DGKB: variants seen among roughly 807,000 people sequenced by gnomAD.
The protein encoded by DGKB is 90 kDa diacylglycerol kinase.
In DGKB, 67 loss-of-function variants were observed where a neutral mutation model predicts 114.3. The observed-to-expected ratio is 0.59, with a 90% CI of 0.48 to 0.72. The LOEUF is 0.72. Ranked by LOEUF, DGKB falls within the 30% of genes least tolerant of loss-of-function variation. DGKB has a pLI of 0.00. For missense variants in DGKB, 907 were observed against 975.2 expected, an observed-to-expected ratio of 0.93 and a Z score of 0.93; for synonymous variants, 398 against 323.1, an observed-to-expected ratio of 1.23 and a Z score of -2.49.
At chr7:14,634,643 C>T (rs1394053996) in intron 13 of DGKB, among the ~76,000 whole-genome samples, 1 of 150,744 alleles carries the variant, frequency 6.6e-6, no homozygotes, top group African/African-American at 2.4e-5. Flanking sequence ...TAGTAAGAGA[C>T]AGAGAAAAAA....
intron 20 of DGKB, among the ~76,000 whole-genome samples, chr7:14,489,629 T>C (rs1007165657): frequency 1.3e-5 from 2 of 152,164 alleles, no homozygotes; most frequent in African/African-American, 2.4e-5. Context: ...ATACTTAATT[T>C]TGCAAAATAA....
At chr7:14,437,155 G>C (rs563091711) in intron 21 of DGKB, among the ~76,000 whole-genome samples, 1 of 151,850 alleles carries the variant, frequency 6.6e-6, no homozygotes, top group Non-Finnish European at 1.5e-5. Context: ...TTTATGGAGA[G>C]GTATTTTATT....
intron 20 of DGKB, among the ~76,000 whole-genome samples, chr7:14,570,224 T>G (rs1798171740): frequency 6.6e-6 from 1 of 152,054 alleles, no homozygotes; most frequent in African/African-American, 2.4e-5. Context: ...TAGGTCTGAT[T>G]AACTTTTCTC....
intron 12 of DGKB, among the ~76,000 whole-genome samples, chr7:14,676,614 G>A (rs1394896051): frequency 3.3e-5 from 5 of 152,020 alleles, no homozygotes; most frequent in Non-Finnish European, 2.9e-5. Context: ...ATCAACAATA[G>A]AAAGTTGCTT....
chr7:14,234,670 C>A (rs1792488132), intron 23 of DGKB, among the ~76,000 whole-genome samples: 1 of 152,144 alleles, frequency 6.6e-6, no homozygotes, highest in South Asian at 2.1e-4. Context: ...TTTTTACTAA[C>A]CTTTATGCCC....
At chr7:14,629,748 T>C (rs1240289513) in intron 14 of DGKB, among the ~76,000 whole-genome samples, 1 of 152,128 alleles carries the variant, frequency 6.6e-6, no homozygotes, top group African/African-American at 2.4e-5. Context: ...CTGATGTTTC[T>C]CTATACAATG....
At chr7:14,563,737 T>C (rs541172790) in intron 20 of DGKB, among the ~76,000 whole-genome samples, 3 of 152,186 alleles carry the variant, frequency 2.0e-5, no homozygotes, top group Admixed American at 6.5e-5. Context: ...TGATTCTCTA[T>C]GTTTATGTAA....
intron 21 of DGKB, among the ~76,000 whole-genome samples, chr7:14,352,723 G>A (rs1459257623): frequency 6.6e-6 from 1 of 152,134 alleles, no homozygotes; most frequent in South Asian, 2.1e-4. Context: ...AGGAGTTTGA[G>A]AGCAGCCTGA....
At chr7:14,718,312 C>A (rs1296987853) in intron 6 of DGKB, among the ~76,000 whole-genome samples, 1 of 151,968 alleles carries the variant, frequency 6.6e-6, no homozygotes, top group East Asian at 1.9e-4. Context: ...ATATGACAAA[C>A]ATAGGAAATA....
At chr7:14,301,732 T>G (rs1291191501) in intron 23 of DGKB, among the ~76,000 whole-genome samples, 4 of 152,156 alleles carry the variant, frequency 2.6e-5, no homozygotes, top group Admixed American at 2.6e-4. Flanking sequence ...CTTAGAAGAC[T>G]AATAAGAGAG....
At chr7:14,759,301 C>A (rs1835352470) in intron 2 of DGKB, among the ~76,000 whole-genome samples, 1 of 152,128 alleles carries the variant, frequency 6.6e-6, no homozygotes, top group South Asian at 2.1e-4. Flanking sequence ...GTGTACAATT[C>A]AGTAATTTTT....
chr7:14,607,208 A>G (rs916106781), intron 17 of DGKB, among the ~76,000 whole-genome samples: 1 of 151,490 alleles, frequency 6.6e-6, no homozygotes, highest in African/African-American at 2.4e-5. Flanking sequence ...TTAGTACAAT[A>G]AGGAGCATTA....
At chr7:14,871,847 T>C (rs778656991) in intron 1 of DGKB, among the ~76,000 whole-genome samples, 1 of 152,196 alleles carries the variant, frequency 6.6e-6, no homozygotes, top group African/African-American at 2.4e-5. Context: ...TAGTGGATTA[T>C]AATTAAAATG....
At chr7:14,254,766 G>A (rs1166032215) in intron 23 of DGKB, among the ~76,000 whole-genome samples, 1 of 152,150 alleles carries the variant, frequency 6.6e-6, no homozygotes, top group East Asian at 1.9e-4. Context: ...ATGCAGCAGT[G>A]TGTGATCAAG....
At chr7:14,170,522 GTCTTGAAAAA>G (rs1197945835) in intron 25 of DGKB, among the ~76,000 whole-genome samples, 1 of 152,082 alleles carries the variant, frequency 6.6e-6, no homozygotes, top group Non-Finnish European at 1.5e-5. Context: ...CTGTTCTTAT[GTCTTGAAAAA>G]TCCAGCAACC....
chr7:14,460,994 A>G (rs1478927059), intron 21 of DGKB, among the ~76,000 whole-genome samples: 1 of 151,132 alleles, frequency 6.6e-6, no homozygotes, highest in Non-Finnish European at 1.5e-5. Flanking sequence ...CAGATCCTGA[A>G]TGAGTACGGG....
chr7:14,678,035 C>T (rs1221955022), intron 12 of DGKB, among the ~76,000 whole-genome samples: 1 of 151,982 alleles, frequency 6.6e-6, no homozygotes, highest in African/African-American at 2.4e-5. Flanking sequence ...AGTTTACTTG[C>T]ATATCTGATG....
At chr7:14,372,752 T>C (rs545013110) in intron 21 of DGKB, among the ~76,000 whole-genome samples, 1 of 152,268 alleles carries the variant, frequency 6.6e-6, no homozygotes, top group Non-Finnish European at 1.5e-5. Context: ...TGGAAAACTA[T>C]ATATAAATAG....
intron 25 of DGKB, among the ~76,000 whole-genome samples, chr7:14,174,768 A>T (rs1332573261): frequency 3.9e-5 from 6 of 152,224 alleles, no homozygotes; most frequent in African/African-American, 1.2e-4. Context: ...CATCACCACC[A>T]TCACTATCAC....
Sources: allele counts gnomAD v4.1 joint callset (sites outside exome capture counted in the v4.1 genomes callset), GRCh38; gene constraint gnomAD v4.1.1; transcripts MANE v1.5; gene names NCBI Gene and HGNC (gene_info 2026-07-23, HGNC 2026-07-21).